Variants in SHPRH observed in about 807,000 individuals in gnomAD.
SHPRH encodes E3 ubiquitin-protein ligase SHPRH.
SHPRH carries 106 observed loss-of-function variants against 202.5 expected under a neutral mutation model. The observed-to-expected ratio is 0.52, with a 90% CI of 0.45 to 0.62. SHPRH has a LOEUF of 0.62. Among genes scored for constraint, SHPRH ranks in the 20% least tolerant of loss-of-function variants. The pLI is 0.00. For missense variants in SHPRH, 1,710 were observed against 2,020.0 expected, an observed-to-expected ratio of 0.85 and a Z score of 2.94; for synonymous variants, 729 against 686.0, an observed-to-expected ratio of 1.06 and a Z score of -0.98.
intron 2 of SHPRH, among the ~76,000 whole-genome samples, chr6:145,954,071 C>T (rs1406666485): frequency 6.6e-6 from 1 of 151,530 alleles, no homozygotes; most frequent in Admixed American, 6.6e-5. Flanking sequence ...AAACGATCTC[C>T]CTGGGTGAAT....
At chr6:145,912,400 G>A (rs941169517) in intron 24 of SHPRH, among the ~76,000 whole-genome samples, 22 of 152,190 alleles carry the variant, frequency 1.4e-4, no homozygotes, top group African/African-American at 5.1e-4. Flanking sequence ...ATGAACTAAT[G>A]TATATGAAAG....
chr6:145,896,434 C>A (rs2247317), intron 25 of SHPRH, among the ~76,000 whole-genome samples: 8 of 151,774 alleles, frequency 5.3e-5, no homozygotes, highest in African/African-American at 1.5e-4. Context: ...CTGATTAATA[C>A]GTTTCTTACT....
downstream of SHPRH, chr6:145,883,082 C>T (rs1780703176): frequency 6.6e-6 from 1 of 152,032 alleles, no homozygotes; most frequent in African/African-American, 2.4e-5. Context: ...AAAGGCAGAC[C>T]ATTTAAAAAA....
chr6:145,961,620 T>C (rs1297177182), intron 1 of SHPRH, among the ~76,000 whole-genome samples: 1 of 152,228 alleles, frequency 6.6e-6, no homozygotes, highest in African/African-American at 2.4e-5. Flanking sequence ...TTTTAAATTA[T>C]GTACACCATT....
rs747860158 is a variant in SHPRH, at chr6:145,950,383, G to A, written c.863C>T (p.Thr288Met). The change falls in exon 4 of 30, where the codon ACG (threonine) becomes ATG (methionine). Residue 288 changes from threonine to methionine, a missense_variant. Thr to Met is a moderately conservative substitution (Grantham distance 81). This residue lies in a region of SHPRH where 459 missense variants were observed against 426.5 expected (regional missense o/e 1.08). Coordinates refer to ENST00000275233, the MANE Select transcript of SHPRH (RefSeq NM_001042683.3). ...HFVKQTHQQETQSIQVDVQHP... is the reference protein window; with the variant it reads ...HFVKQTHQQEMQSIQVDVQHP... ...CTGGACATCCACTTGGATGGACTGC[G>A]TTTCTTGCTGATGTGTTTGTTTCAC... 8.1e-6 allele frequency: 13 copies of A among 1,613,204 alleles called. No individual in the cohort carries two copies. The highest frequency in any genetic ancestry group is 2.2e-5 in the East Asian group (1 of 44,874).
chr6:145,878,186 G>A (rs1466332620), intron 2 of SHPRH, among the ~76,000 whole-genome samples: 2 of 152,138 alleles, frequency 1.3e-5, no homozygotes, highest in Non-Finnish European at 2.9e-5. Context: ...CAGCAAAATT[G>A]AGCAGAAAGT....
At chr6:145,945,285 C>T in intron 8 of SHPRH, 96 bp downstream of exon 8, 4 of 1,370,902 alleles carry the variant, frequency 2.9e-6, no homozygotes, top group Admixed American at 5.1e-5. Flanking sequence ...ATCTTCAGAT[C>T]GTAAGAGTTT....
At chr6:145,923,270 AAT>A (rs141635836) in intron 18 of SHPRH, among the ~76,000 whole-genome samples, 15 of 150,366 alleles carry the variant, frequency 1.0e-4, no homozygotes, top group Non-Finnish European at 8.9e-5. Flanking sequence ...TCCTTGGTTG[AAT>A]ATATATATAT....
chr6:145,899,626 C>G (rs752471606), intron 25 of SHPRH, among the ~76,000 whole-genome samples: 3 of 152,032 alleles, frequency 2.0e-5, no homozygotes, highest in Non-Finnish European at 2.9e-5. Context: ...GGATATGACC[C>G]AAAAAACTCA....
intron 25 of SHPRH, chr6:145,906,319 T>C (rs1782954054): frequency 6.6e-6 from 1 of 152,152 alleles, no homozygotes; most frequent in Non-Finnish European, 1.5e-5. Flanking sequence ...CAGGTCTCAC[T>C]GTTTCATCTT....
At chr6:145,876,962 T>C (rs1443509224) in intron 2 of SHPRH, 1 of 152,192 alleles carries the variant, frequency 6.6e-6, no homozygotes, top group Non-Finnish European at 1.5e-5. Flanking sequence ...AGCACTGTAA[T>C]CTTCAACTGC....
intron 25 of SHPRH, chr6:145,903,829 T>C (rs2128727085): frequency 6.6e-6 from 1 of 152,202 alleles, no homozygotes; most frequent in South Asian, 2.1e-4. Flanking sequence ...ATGTGGGCCA[T>C]ATGTTCTGCC....
intron 14 of SHPRH, among the ~76,000 whole-genome samples, chr6:145,927,543 C>T (rs985416917): frequency 4.6e-5 from 7 of 151,456 alleles, no homozygotes; most frequent in Admixed American, 4.6e-4. Flanking sequence ...TGTTTATAAT[C>T]AAACGTTTGT....
downstream of SHPRH, among the ~76,000 whole-genome samples, chr6:145,862,423 CA>C (rs924102936): frequency 4.1e-5 from 6 of 145,206 alleles, no homozygotes; most frequent in Non-Finnish European, 6.0e-5. Context: ...CTCAACAAAA[CA>C]AAACAAAACA....
chr6:145,896,524 G>C (rs1334067867), intron 25 of SHPRH, among the ~76,000 whole-genome samples: 1 of 152,016 alleles, frequency 6.6e-6, no homozygotes, highest in African/African-American at 2.4e-5. Flanking sequence ...CGTAGGAAAA[G>C]AACAGAGCAT....
chr6:145,862,991 A>G (rs1236940775), downstream of SHPRH, among the ~76,000 whole-genome samples: 2 of 152,168 alleles, frequency 1.3e-5, no homozygotes, highest in Non-Finnish European at 2.9e-5. Flanking sequence ...AGATTAAATG[A>G]ATGATTAAGA....
At chr6:145,931,633 G>A (rs1562336605) in intron 14 of SHPRH, among the ~76,000 whole-genome samples, 1 of 152,064 alleles carries the variant, frequency 6.6e-6, no homozygotes, top group Non-Finnish European at 1.5e-5. Context: ...ACCGTGCCTG[G>A]CCTGATTTTT....
intron 25 of SHPRH, among the ~76,000 whole-genome samples, chr6:145,899,529 C>T (rs1782311896): frequency 6.6e-6 from 1 of 152,066 alleles, no homozygotes; most frequent in South Asian, 2.1e-4. Context: ...ACCGCATATA[C>T]AAAAATCATC....
chr6:145,874,109 A>G (rs1780189204), intron 2 of SHPRH, among the ~76,000 whole-genome samples: 1 of 152,010 alleles, frequency 6.6e-6, no homozygotes, highest in African/African-American at 2.4e-5. Context: ...GAGGCAGGAG[A>G]ATCACTTGAA....
Sources: gnomAD v4.1 joint callset for allele counts (sites outside exome capture counted in the v4.1 genomes callset) on GRCh38, gnomAD v4.1.1 for gene constraint, gnomAD v4.1.1 regional missense constraint, MANE v1.5 for transcripts, NCBI Gene and HGNC (gene_info 2026-07-23, HGNC 2026-07-21) for gene names.